The following TMEM131 variants were observed in gnomAD, a reference collection of about 807,000 sequenced individuals.
The protein encoded by TMEM131 is transmembrane protein 131.
In TMEM131, 66 loss-of-function variants were observed where a neutral mutation model predicts 211.6. The ratio of observed to expected loss-of-function variants is 0.31; its 90% CI spans 0.26 to 0.38. TMEM131 has a LOEUF of 0.38. Ranked by LOEUF, TMEM131 falls within the 10% of genes least tolerant of loss-of-function variation. The pLI is 1.00. For missense variants in TMEM131, 2,036 were observed against 2,299.3 expected, an observed-to-expected ratio of 0.89 and a Z score of 2.34; for synonymous variants, 844 against 841.3, an observed-to-expected ratio of 1.00 and a Z score of -0.06.
At chr2:97,898,679 G>C (rs1282728747) in intron 3 of TMEM131, among the ~76,000 whole-genome samples, 1 of 152,138 alleles carries the variant, frequency 6.6e-6, no homozygotes, top group African/African-American at 2.4e-5. Context: ...AATGTCTATT[G>C]TTTAAGCCAC....
At chr2:97,955,969 C>A (rs1361693590) in intron 1 of TMEM131, among the ~76,000 whole-genome samples, 1 of 152,166 alleles carries the variant, frequency 6.6e-6, no homozygotes, top group Non-Finnish European at 1.5e-5. Context: ...ATTTCATACA[C>A]ACAAACTAGC....
chr2:97,884,591 C>A lies in TMEM131; in HGVS notation c.359+3461G>T, dbSNP rs577475172. Among the ~76,000 whole-genome samples the A allele has an allele frequency of 2.6e-5, 4 of 152,270 alleles. No individual in the cohort carries two copies. The South Asian group carries it at 8.3e-4, about 32-fold the overall frequency. On this transcript the variant is annotated intron_variant, in intron 4 of 40. Transcript: ENST00000186436. ...TAGATCTAATAGTTGCTTTTTATATCTGGGTGCTCTAGTGCTAGGTGCATA... is the reference window on the plus strand; with the variant it reads ...TAGATCTAATAGTTGCTTTTTATATATGGGTGCTCTAGTGCTAGGTGCATA...
At chr2:97,817,207 T>G (rs990353390) in intron 12 of TMEM131, among the ~76,000 whole-genome samples, 7 of 151,862 alleles carry the variant, frequency 4.6e-5, no homozygotes, top group Admixed American at 4.6e-4. Flanking sequence ...TAGAGAAGAG[T>G]AGCTCTTCAC....
intron 1 of TMEM131, among the ~76,000 whole-genome samples, chr2:97,945,424 T>C (rs139229057): frequency 2.0e-5 from 3 of 152,264 alleles, no homozygotes; most frequent in African/African-American, 7.2e-5. Context: ...CACTGAATTA[T>C]ACACTTTAAA....
At chr2:97,916,690 A>G (rs1676522154) in intron 2 of TMEM131, among the ~76,000 whole-genome samples, 1 of 152,250 alleles carries the variant, frequency 6.6e-6, no homozygotes, top group African/African-American at 2.4e-5. Context: ...AGGCAGTGGG[A>G]TACAAGGGTA....
chr2:97,974,424 G>A (rs1679440958), intron 1 of TMEM131, among the ~76,000 whole-genome samples: 1 of 151,814 alleles, frequency 6.6e-6, no homozygotes, highest in South Asian at 2.1e-4. Context: ...GAGGAGGACA[G>A]GAAAAATGTT....
intron 4 of TMEM131, among the ~76,000 whole-genome samples, chr2:97,875,684 A>T (rs1674664140): frequency 6.6e-6 from 1 of 152,220 alleles, no homozygotes; most frequent in Non-Finnish European, 1.5e-5. Flanking sequence ...ATGAAGACAC[A>T]ATGTACCAGA....
At position 97,775,561 on chromosome 2, in the gene TMEM131, A is replaced by G. The variant is rs745952273; in HGVS notation, c.4320+282T>C. 1.4e-4 allele frequency among the ~76,000 whole-genome samples: 22 copies of G among 152,308 alleles called. No homozygotes were observed. The South Asian group carries it at 1.5e-3, about 10-fold the overall frequency. ...TATTCCAGATAGTCCCTAGCTTTCAAGCAGTGTTTCCAGTTTCTAACCATC... is the reference window on the plus strand; with the variant it reads ...TATTCCAGATAGTCCCTAGCTTTCAGGCAGTGTTTCCAGTTTCTAACCATC... On this transcript the variant is annotated intron_variant, in intron 32 of 40. Coordinates refer to ENST00000186436, the MANE Select transcript of TMEM131 (RefSeq NM_015348.2).
intron 25 of TMEM131, among the ~76,000 whole-genome samples, chr2:97,800,327 A>G (rs1680967494): frequency 6.6e-6 from 1 of 152,174 alleles, no homozygotes; most frequent in South Asian, 2.1e-4. Context: ...GAGTACTCTT[A>G]CTTATTTTCC....
chr2:97,896,380 C>T (rs990136477), intron 3 of TMEM131, among the ~76,000 whole-genome samples: 1 of 152,002 alleles, frequency 6.6e-6, no homozygotes, highest in Non-Finnish European at 1.5e-5. Context: ...ATTAGGTTTG[C>T]TTGGTCCAGA....
chr2:97,987,307 T>C (rs895832182), intron 1 of TMEM131, among the ~76,000 whole-genome samples: 1 of 152,094 alleles, frequency 6.6e-6, no homozygotes, highest in Non-Finnish European at 1.5e-5. Flanking sequence ...GGTCAAGAGA[T>C]CGAGACCATC....
intron 16 of TMEM131, 31 bp from the exon 17 acceptor site, chr2:97,812,586 C>T (rs1681600819): frequency 6.3e-7 from 1 of 1,593,360 alleles, no homozygotes; most frequent in African/African-American, 1.4e-5. Context: ...ATGATTATCA[C>T]AACACAAGCA....
At chr2:97,908,898 C>T (rs770546492) in intron 2 of TMEM131, among the ~76,000 whole-genome samples, 200 bp from the exon 3 acceptor site, 1 of 152,100 alleles carries the variant, frequency 6.6e-6, no homozygotes, top group African/African-American at 2.4e-5. Flanking sequence ...GAAAGTAATG[C>T]GATGGATTTT....
At chr2:97,799,013 T>C (rs1680898822) in intron 25 of TMEM131, among the ~76,000 whole-genome samples, 1 of 152,224 alleles carries the variant, frequency 6.6e-6, no homozygotes, top group African/African-American at 2.4e-5. Flanking sequence ...AATAATTTTA[T>C]AGTGGTGGTT....
At chr2:97,824,454 G>C (rs1165989434) in intron 11 of TMEM131, among the ~76,000 whole-genome samples, 1 of 152,244 alleles carries the variant, frequency 6.6e-6, no homozygotes, top group African/African-American at 2.4e-5. Flanking sequence ...TCCTGGGACA[G>C]CCTGTAACCA....
intron 1 of TMEM131, among the ~76,000 whole-genome samples, chr2:97,951,849 A>G (rs1369456294): frequency 1.3e-5 from 2 of 152,122 alleles, no homozygotes; most frequent in Non-Finnish European, 2.9e-5. Context: ...GTGAACTTGA[A>G]GACAGATCTA....
chr2:97,875,654 G>C (rs1450619432), intron 4 of TMEM131, among the ~76,000 whole-genome samples: 2 of 152,144 alleles, frequency 1.3e-5, no homozygotes, highest in Non-Finnish European at 2.9e-5. Flanking sequence ...GAAAAAAGAT[G>C]TTCTTTGAAA....
At position 97,759,479 on chromosome 2, in the gene TMEM131, G is replaced by C. The variant is rs188160991; in HGVS notation, c.5206+173C>G. 7.1e-5 allele frequency: 43 copies of C among 607,320 alleles called. No individual in the cohort carries two copies. In the East Asian group the frequency reaches 1.2e-3, roughly 17 times the overall value. The allele number at this position is 607,320 out of a possible 1,614,324, so 37.6% of individuals were successfully genotyped here. A position where few individuals can be genotyped will look rare whatever the true frequency, so the allele number is the denominator to read the frequency against. On this transcript the variant is annotated intron_variant, in intron 39 of 40. Transcript: ENST00000186436. Reference sequence around the variant, plus strand: ...CGAGCCTGGTCCACTGCCCCTCTGGGCTGCTGGTGTGGATGAGGGAGGAAG... The same window carrying C: ...CGAGCCTGGTCCACTGCCCCTCTGGCCTGCTGGTGTGGATGAGGGAGGAAG...
Position 97,787,510 on chromosome 2 carries a change from AC to A in TMEM131, c.4144+4875del, listed in dbSNP as rs1401157549. On this transcript the variant is annotated intron_variant, in intron 31 of 40. Transcript: ENST00000186436. ...CAGGCTTCAGGGGTGCTGGCATCAC[AC>A]TTACGGACTTCTTCTTTTCCTGGAC... 3.9e-5 allele frequency among the ~76,000 whole-genome samples: 6 copies of A among 152,158 alleles called. No homozygotes were observed. The East Asian group carries it at 1.2e-3, about 29-fold the overall frequency.
Sources: gnomAD v4.1 joint callset for allele counts (sites outside exome capture counted in the v4.1 genomes callset) on GRCh38, gnomAD v4.1.1 for gene constraint, MANE v1.5 for transcripts, NCBI Gene and HGNC (gene_info 2026-07-23, HGNC 2026-07-21) for gene names.